Variants in CSMD1 observed in about 807,000 individuals in gnomAD.
CSMD1 encodes CUB and sushi domain-containing protein 1.
Under a neutral mutation model 417.5 loss-of-function variants are expected in CSMD1, and 213 were observed. The observed-to-expected ratio is 0.51, with a 90% CI of 0.46 to 0.57. CSMD1 has a LOEUF of 0.57. Ranked by LOEUF, CSMD1 falls within the 20% of genes least tolerant of loss-of-function variation. The pLI, the probability that CSMD1 is intolerant of heterozygous loss-of-function variation, is 0.00. For synonymous variants in CSMD1, 2,862 were observed against 1,736.8 expected (o/e 1.65, Z -16.11); for missense variants, 6,923 against 4,529.7 (o/e 1.53, Z -15.17).
At chr8:4,515,628 A>G (rs967632641) in intron 2 of CSMD1, among the ~76,000 whole-genome samples, 5 of 152,300 alleles carry the variant, frequency 3.3e-5, no homozygotes, top group Non-Finnish European at 7.4e-5. Context: ...GCAACAACAG[A>G]AACAAAATAA....
chr8:3,883,269 G>C (rs909109720), intron 5 of CSMD1, among the ~76,000 whole-genome samples: 1 of 152,022 alleles, frequency 6.6e-6, no homozygotes, highest in Non-Finnish European at 1.5e-5. Context: ...TTGAGATAAA[G>C]TATTTCCAGC....
intron 1 of CSMD1, among the ~76,000 whole-genome samples, chr8:4,703,612 A>G (rs370574206): frequency 1.3e-5 from 2 of 152,334 alleles, no homozygotes; most frequent in African/African-American, 2.4e-5. Flanking sequence ...AAATATTTCA[A>G]TTTTTCCCAA....
intron 26 of CSMD1, among the ~76,000 whole-genome samples, chr8:3,238,296 A>T (rs887636743): frequency 6.6e-6 from 1 of 152,054 alleles, no homozygotes; most frequent in Non-Finnish European, 1.5e-5. Context: ...GGCCATTTTC[A>T]CTTCTTTTGT....
chr8:4,424,306 G>C (rs962621768), intron 2 of CSMD1, among the ~76,000 whole-genome samples: 5 of 151,876 alleles, frequency 3.3e-5, no homozygotes. Flanking sequence ...CAAAAGACAA[G>C]TATCTAGAAT....
chr8:4,499,073 G>A (rs1054841646), intron 2 of CSMD1, among the ~76,000 whole-genome samples: 1 of 152,156 alleles, frequency 6.6e-6, no homozygotes, highest in Non-Finnish European at 1.5e-5. Context: ...TGATGAAAGT[G>A]CTAAAGGACA....
intron 38 of CSMD1, among the ~76,000 whole-genome samples, chr8:3,158,324 T>C (rs544865082): frequency 1.3e-5 from 2 of 152,062 alleles, no homozygotes; most frequent in Non-Finnish European, 2.9e-5. Flanking sequence ...CCTAAGAAGC[T>C]GAAAACAATT....
intron 1 of CSMD1, among the ~76,000 whole-genome samples, chr8:4,838,859 A>G (rs950179645): frequency 5.3e-5 from 8 of 152,300 alleles, no homozygotes; most frequent in African/African-American, 1.7e-4. Flanking sequence ...CTCTTGCTCT[A>G]TCTCCAGTAG....
chr8:3,618,243 G>A (rs1802242137), intron 7 of CSMD1, among the ~76,000 whole-genome samples: 1 of 152,116 alleles, frequency 6.6e-6, no homozygotes, highest in Non-Finnish European at 1.5e-5. Context: ...TGGCTCAAGT[G>A]ACACTCGCAC....
chr8:4,837,585 A>T (rs1320251702), intron 1 of CSMD1, among the ~76,000 whole-genome samples: 1 of 152,186 alleles, frequency 6.6e-6, no homozygotes, highest in Non-Finnish European at 1.5e-5. Context: ...AACATAGAGA[A>T]TACAAGGATG....
intron 1 of CSMD1, among the ~76,000 whole-genome samples, chr8:4,887,642 A>G (rs1803844367): frequency 1.3e-5 from 2 of 152,038 alleles, no homozygotes; most frequent in African/African-American, 4.8e-5. Context: ...AATATTTATT[A>G]ATTCTACTGG....
At chr8:4,018,649 T>C (rs1796637134) in intron 4 of CSMD1, among the ~76,000 whole-genome samples, 1 of 152,250 alleles carries the variant, frequency 6.6e-6, no homozygotes, top group South Asian at 2.1e-4. Flanking sequence ...GAGAAAACAC[T>C]TGTTTAATTC....
intron 1 of CSMD1, among the ~76,000 whole-genome samples, chr8:4,898,998 A>G (rs1804688062): frequency 6.6e-6 from 1 of 152,208 alleles, no homozygotes; most frequent in South Asian, 2.1e-4. Context: ...ACTTAAAAAT[A>G]GAAAAGTGAG....
At chr8:4,932,172 G>T (rs538323024) in intron 1 of CSMD1, among the ~76,000 whole-genome samples, 13 of 152,216 alleles carry the variant, frequency 8.5e-5, no homozygotes, top group African/African-American at 3.1e-4. Flanking sequence ...AATAGAGATA[G>T]CTTTGCTATA....
intron 3 of CSMD1, among the ~76,000 whole-genome samples, chr8:4,151,464 A>G (rs1191649712): frequency 1.3e-5 from 2 of 152,230 alleles, no homozygotes; most frequent in Non-Finnish European, 2.9e-5. Flanking sequence ...TGAATCACCC[A>G]TATCTAGTTT....
chr8:4,486,162 C>CAT lies in CSMD1; in HGVS notation c.303-66099_303-66098dup, dbSNP rs202146584. ...ACATACATATATATATATATACATA[C>CAT]ATATATATATATACATACATATATA... On this transcript the variant is annotated intron_variant, in intron 2 of 69. Coordinates refer to ENST00000635120, the MANE Select transcript of CSMD1 (RefSeq NM_033225.6). Among the ~76,000 whole-genome samples the CAT allele has an allele frequency of 7.2e-4, 35 of 48,610 alleles. 1 individual carries two copies. The highest frequency in any genetic ancestry group is 2.1e-3 in the Admixed American group (8 of 3,806). 31.9% of individuals were successfully genotyped at this position (48,610 alleles called of 152,430 possible).
chr8:4,477,269 G>T (rs1341155983), intron 2 of CSMD1, among the ~76,000 whole-genome samples: 1 of 152,190 alleles, frequency 6.6e-6, no homozygotes. Flanking sequence ...CTCCCACTAA[G>T]GTGTGGACGG....
At chr8:4,326,720 A>T (rs1266439095) in intron 3 of CSMD1, among the ~76,000 whole-genome samples, 57 of 152,196 alleles carry the variant, frequency 3.7e-4, no homozygotes. Context: ...GGGTAACACC[A>T]AATGGGGACT....
At position 3,387,693 on chromosome 8, in the gene CSMD1, A is replaced by T. The variant is rs1348135824; in HGVS notation, c.2594-11T>A. On this transcript the variant is annotated splice_polypyrimidine_tract_variant and intron_variant, in intron 17 of 69. Coordinates refer to ENST00000635120, the MANE Select transcript of CSMD1 (RefSeq NM_033225.6). ...ACTCAAGCGTCACACCTGGATGCAC[A>T]GAACGAATGCAGTCGATGAGGATCT... The T allele has an allele frequency of 6.3e-7, 1 of 1,586,510 alleles. No individual in the cohort carries two copies. Among genetic ancestry groups the T allele is most frequent in the African/African-American group, 1.3e-5 (1 of 74,412 alleles).
chr8:4,500,718 G>A (rs1016615166), intron 2 of CSMD1, among the ~76,000 whole-genome samples: 6 of 152,074 alleles, frequency 3.9e-5, no homozygotes, highest in African/African-American at 1.4e-4. Context: ...ATAAAGAATT[G>A]AGCTGTAAAT....
Sources: allele counts gnomAD v4.1 joint callset (sites outside exome capture counted in the v4.1 genomes callset), GRCh38; gene constraint gnomAD v4.1.1; transcripts MANE v1.5; gene names NCBI Gene and HGNC (gene_info 2026-07-23, HGNC 2026-07-21).